SEMA6D: variants seen among roughly 807,000 people sequenced by gnomAD.
SEMA6D encodes semaphorin-6D.
SEMA6D carries 35 observed loss-of-function variants against 106.6 expected under a neutral mutation model. The observed-to-expected ratio is 0.33, with a 90% confidence interval of 0.25 to 0.44. SEMA6D has a LOEUF of 0.44. Among genes scored for constraint, SEMA6D ranks in the 20% least tolerant of loss-of-function variants. SEMA6D has a pLI of 1.00. For synonymous variants in SEMA6D, 499 were observed against 487.7 expected, an observed-to-expected ratio of 1.02 and a Z score of -0.31; for missense variants, 1,185 against 1,345.9, an observed-to-expected ratio of 0.88 and a Z score of 1.87.
At position 47,371,916 on chromosome 15, in the gene SEMA6D, G is replaced by A. The variant is rs149384017; in HGVS notation, c.-238-40477G>A. 7.2e-4 allele frequency among the ~76,000 whole-genome samples: 109 copies of A among 152,216 alleles called. 1 individual carries two copies. Among genetic ancestry groups the A allele is most frequent in the African/African-American group, 6.0e-4 (25 of 41,526 alleles). On this transcript the variant is annotated intron_variant, in intron 1 of 19. Transcript: ENST00000558014. ...ATGACACAGCAGTTATACTTTCCCCGTTTATAGATGAGGAAATAGAAGCTT... is the reference window on the plus strand; with the variant it reads ...ATGACACAGCAGTTATACTTTCCCCATTTATAGATGAGGAAATAGAAGCTT...
chr15:47,204,453 T>TA (rs1486357261), intron 1 of SEMA6D, among the ~76,000 whole-genome samples: 1 of 152,156 alleles, frequency 6.6e-6, no homozygotes, highest in Non-Finnish European at 1.5e-5. Context: ...AATATTTCAT[T>TA]AAGTTAATCA....
intron 1 of SEMA6D, among the ~76,000 whole-genome samples, chr15:47,367,707 CA>C (rs2039105591): frequency 6.8e-6 from 1 of 146,526 alleles, no homozygotes; most frequent in African/African-American, 2.7e-5. Context: ...CACACACACA[CA>C]CACACACACA....
At chr15:47,435,597 T>A (rs1038396731) in intron 2 of SEMA6D, among the ~76,000 whole-genome samples, 1 of 152,092 alleles carries the variant, frequency 6.6e-6, no homozygotes, top group African/African-American at 2.4e-5. Context: ...CAGCTCAGTG[T>A]GGCCAATTCT....
At position 47,601,118 on chromosome 15, in the gene SEMA6D, A is replaced by G. The variant is rs543164942; in HGVS notation, c.-55+222A>G. On this transcript the variant is annotated intron_variant, in intron 4 of 19. Transcript: ENST00000558014. Reference sequence around the variant, plus strand: ...AGAATGAGAGAGAGAGAGAGAGAGAAAGAGAGAGAGAGACAGTGTGTGTGT... The same window carrying G: ...AGAATGAGAGAGAGAGAGAGAGAGAGAGAGAGAGAGAGACAGTGTGTGTGT... Among the ~76,000 whole-genome samples, 411 of 148,416 alleles carry G rather than the reference A, an allele frequency of 2.8e-3. 1 individual carries two copies. The highest frequency in any genetic ancestry group is 3.4e-3 in the Middle Eastern group (1 of 290).
rs562331235 is a variant in SEMA6D, at chr15:47,630,400, T to C, written c.-55+29504T>C. ...GATTATAATACTGTGTTTTTATTTT[T>C]AGTATCCACATTGTTCGTTGTTATG... On this transcript the variant is annotated intron_variant, in intron 4 of 19. Transcript: ENST00000558014. 2.6e-5 allele frequency among the ~76,000 whole-genome samples: 4 copies of C among 152,080 alleles called. No homozygotes were observed. The East Asian group carries it at 7.7e-4, about 29-fold the overall frequency.
At chr15:47,314,912 C>A (rs1327849719) in intron 1 of SEMA6D, among the ~76,000 whole-genome samples, 1 of 126,636 alleles carries the variant, frequency 7.9e-6, no homozygotes, top group South Asian at 2.6e-4. Context: ...GTGGCCCAGG[C>A]GAGAGTGCAG....
chr15:47,692,770 G>T (rs1195185680), intron 4 of SEMA6D, among the ~76,000 whole-genome samples: 8 of 152,092 alleles, frequency 5.3e-5, no homozygotes, highest in Admixed American at 5.2e-4. Context: ...TTCTAGTTGT[G>T]TAGCGATGAC....
chr15:47,711,297 G>GA lies in SEMA6D; in HGVS notation c.-54-48447dup, dbSNP rs1278029198. ...TGCACTCCAGCCTGGGCGACAGAGCGAGACTCCGTCTCAAAAAAAAAAAAA... is the reference window on the plus strand; with the variant it reads ...TGCACTCCAGCCTGGGCGACAGAGCGAAGACTCCGTCTCAAAAAAAAAAAAA... On this transcript the variant is annotated intron_variant, in intron 4 of 19. Coordinates refer to the SEMA6D transcript ENST00000558014. Among the ~76,000 whole-genome samples, 603 of 113,250 alleles carry GA rather than the reference G, an allele frequency of 5.3e-3. 24 individuals are homozygous for GA. The Admixed American group carries it at 0.058, about 11-fold the overall frequency. The allele number at this position is 113,250 out of a possible 152,430, so 74.3% of individuals were successfully genotyped here.
At chr15:47,252,379 T>G (rs2033571767) in intron 1 of SEMA6D, among the ~76,000 whole-genome samples, 4 of 152,166 alleles carry the variant, frequency 2.6e-5, no homozygotes, top group Admixed American at 6.5e-5. Context: ...ACCTCAGACC[T>G]TTATCATCTC....
chr15:47,295,763 A>C (rs146721213), intron 1 of SEMA6D, among the ~76,000 whole-genome samples: 1 of 152,242 alleles, frequency 6.6e-6, no homozygotes, highest in Non-Finnish European at 1.5e-5. Context: ...TTTGACATAT[A>C]GTTGGCCCCA....
At chr15:47,276,156 C>T (rs77281895) in intron 1 of SEMA6D, among the ~76,000 whole-genome samples, 1 of 152,032 alleles carries the variant, frequency 6.6e-6, no homozygotes, top group Non-Finnish European at 1.5e-5. Context: ...TATTAAAGAA[C>T]CTCTGTAACA....
At chr15:47,314,643 CAG>C (rs1435012938) in intron 1 of SEMA6D, among the ~76,000 whole-genome samples, 2 of 127,976 alleles carry the variant, frequency 1.6e-5, no homozygotes, top group South Asian at 2.6e-4. Context: ...TTTTGGGTAA[CAG>C]GGTAACAGTT....
chr15:47,374,039 A>G (rs1478566332), intron 1 of SEMA6D, among the ~76,000 whole-genome samples: 1 of 152,234 alleles, frequency 6.6e-6, no homozygotes, highest in Non-Finnish European at 1.5e-5. Context: ...GCAGAAAGCA[A>G]CTGTATTTTG....
intron 1 of SEMA6D, among the ~76,000 whole-genome samples, chr15:47,319,574 G>A (rs1050835456): frequency 2.6e-5 from 4 of 152,064 alleles, no homozygotes; most frequent in Non-Finnish European, 1.5e-5. Flanking sequence ...ACAGGATGGG[G>A]TGGAATAGCC....
chr15:47,238,454 A>G (rs941480645), intron 1 of SEMA6D, among the ~76,000 whole-genome samples: 1 of 152,060 alleles, frequency 6.6e-6, no homozygotes, highest in African/African-American at 2.4e-5. Flanking sequence ...TATAGCAGAA[A>G]CTTAAACTTA....
At chr15:47,285,642 C>T (rs17285680) in intron 1 of SEMA6D, among the ~76,000 whole-genome samples, 1 of 152,176 alleles carries the variant, frequency 6.6e-6, no homozygotes, top group African/African-American at 2.4e-5. Context: ...TGAACGAAGA[C>T]ATTCCTGAAG....
intron 1 of SEMA6D, among the ~76,000 whole-genome samples, chr15:47,187,801 C>T (rs1232970980): frequency 6.6e-6 from 1 of 151,572 alleles, no homozygotes; most frequent in Non-Finnish European, 1.5e-5. Flanking sequence ...CTGTTGAAAA[C>T]GTGGGAATTA....
At chr15:47,274,967 C>G (rs1328532055) in intron 1 of SEMA6D, 1 of 152,164 alleles carries the variant, frequency 6.6e-6, no homozygotes, top group Non-Finnish European at 1.5e-5. Flanking sequence ...TGCACTGAAG[C>G]TGCAGTTTAG....
intron 4 of SEMA6D, among the ~76,000 whole-genome samples, chr15:47,676,444 G>A (rs1259393449): frequency 2.0e-5 from 3 of 152,140 alleles, no homozygotes; most frequent in African/African-American, 7.2e-5. Flanking sequence ...TGGAAAAATC[G>A]CACACATTTC....
Sources: gnomAD v4.1 joint callset for allele counts (sites outside exome capture counted in the v4.1 genomes callset) on GRCh38, gnomAD v4.1.1 for gene constraint, MANE v1.5 for transcripts, NCBI Gene and HGNC (gene_info 2026-07-23, HGNC 2026-07-21) for gene names.